The following CD300C variants were observed in gnomAD, a reference collection of about 807,000 sequenced individuals.
CD300C encodes the protein CMRF35-like molecule 6.
Under a neutral mutation model 18.4 loss-of-function variants are expected in CD300C, and 11 were observed. That is an observed-to-expected ratio of 0.60 (90% CI 0.38 to 0.99). The LOEUF (loss-of-function observed/expected upper bound fraction) is 0.99. Ranked by LOEUF, CD300C falls within the 50% of genes least tolerant of loss-of-function variation. The probability of loss-of-function intolerance (pLI) is 0.01; values close to 1 mark genes in which losing one functional copy is unlikely to be tolerated. For synonymous variants in CD300C, 116 were observed against 116.3 expected (o/e 1.00, Z 0.02); for missense variants, 277 against 287.4 (o/e 0.96, Z 0.26).
rs111380989 is a variant in CD300C, at chr17:74,544,656, C to T, written c.353G>A (p.Arg118Gln). Reference protein sequence around the residue: ...YWCGVDTPWLRDFHDPIVEVE... With the variant: ...YWCGVDTPWLQDFHDPIVEVE... ...CTCGACAATGGGATCATGAAAGTCT[C>T]GGAGCCACGGTGTATCCACCCCACA... The change falls in exon 2 of 4, where the codon CGA (arginine) becomes CAA (glutamine). Residue 118 changes from arginine to glutamine, a missense_variant. Transcript: ENST00000330793. 220 of 1,613,992 alleles carry T rather than the reference C, an allele frequency of 1.4e-4. No homozygotes were observed. The highest frequency in any genetic ancestry group is 3.8e-4 in the South Asian group (35 of 91,066).
Position 74,542,994 on chromosome 17 carries a change from G to A in CD300C, c.401-7C>T. The A allele has an allele frequency of 6.2e-7, 1 of 1,613,292 alleles. No individual in the cohort carries two copies. Among genetic ancestry groups the A allele is most frequent in the Non-Finnish European group, 8.5e-7 (1 of 1,179,990 alleles). On this transcript the variant is annotated splice_polypyrimidine_tract_variant and splice_region_variant and intron_variant, in intron 2 of 3. Transcript: ENST00000330793. ...GAGGCTGTGGTCGTCCCGGCTGTGG[G>A]TGAAACACAGGTCAACCTTGATGAC... is the stretch of plus-strand genomic sequence containing the variant.
chr17:74,543,026 T>A, intron 2 of CD300C, 39 bp from the exon 3 acceptor site: 3 of 1,611,230 alleles, frequency 1.9e-6, no homozygotes, highest in Non-Finnish European at 1.7e-6. Context: ...TGACATCACA[T>A]GGGTCTCCCA....
At chr17:74,542,300 G>A (rs568305912) in intron 3 of CD300C, among the ~76,000 whole-genome samples, 3 of 152,220 alleles carry the variant, frequency 2.0e-5, no homozygotes, top group Admixed American at 1.3e-4. Context: ...AGAGAGGCAG[G>A]GGAGAGGACC....
downstream of CD300C, among the ~76,000 whole-genome samples, chr17:74,538,392 C>T (rs370334821): frequency 6.6e-6 from 1 of 152,156 alleles, no homozygotes; most frequent in East Asian, 1.9e-4. Context: ...GAGGAGGGAC[C>T]TGTGGGGACA....
chr17:74,537,873 C>G (rs75358158), downstream of CD300C, among the ~76,000 whole-genome samples: 1,713 of 152,254 alleles, frequency 0.011, 11 homozygotes, highest in Non-Finnish European at 0.015. Context: ...AGGACCAAGG[C>G]TTGAGCCCAG....
At chr17:74,543,147 G>A (rs1342569847) in intron 2 of CD300C, among the ~76,000 whole-genome samples, 160 bp from the exon 3 acceptor site, 3 of 152,224 alleles carry the variant, frequency 2.0e-5, no homozygotes, top group Non-Finnish European at 2.9e-5. Context: ...CCTGACCAGG[G>A]TCCTGGGCCT....
chr17:74,542,518 C>G (rs1219820616), intron 3 of CD300C, among the ~76,000 whole-genome samples: 1 of 152,232 alleles, frequency 6.6e-6, no homozygotes, highest in Admixed American at 6.5e-5. Context: ...GAAATAGCAA[C>G]TCCAACACCT....
rs893840825 is a variant in CD300C, at chr17:74,541,275, G to A, written c.*314C>T. On this transcript the variant is annotated 3_prime_UTR_variant, in exon 4 of 4. Coordinates refer to ENST00000330793, the MANE Select transcript of CD300C (RefSeq NM_006678.5). The stretch of plus-strand genomic sequence containing the variant: ...TGCTTCTCCCTGTGAAAACGGTGGA[G>A]GAAGCAGTGCCAGGCTCCTGGAGAA... 3.4e-5 allele frequency: 10 copies of A among 295,378 alleles called. No individual in the cohort carries two copies. Among genetic ancestry groups the A allele is most frequent in the Non-Finnish European group, 6.6e-5 (10 of 151,542 alleles). The allele number at this position is 295,378 out of a possible 1,614,324, so 18.3% of individuals were successfully genotyped here.
chr17:74,545,653 C>T (rs747096976), intron 1 of CD300C, 69 bp downstream of exon 1: 47 of 1,251,544 alleles, frequency 3.8e-5, no homozygotes, highest in Non-Finnish European at 4.6e-5. Context: ...GCTACTCCAG[C>T]GCCTGCACCC....
the CD300C span, among the ~76,000 whole-genome samples, chr17:74,535,450 T>C: frequency 3.4e-4 from 21 of 61,900 alleles, no homozygotes; most frequent in Middle Eastern, 0.018. Flanking sequence ...GCCTGGGCAA[T>C]AAGAGCAAAA....
downstream of CD300C, among the ~76,000 whole-genome samples, chr17:74,539,625 C>T (rs748353430): frequency 1.3e-5 from 2 of 152,200 alleles, no homozygotes; most frequent in Non-Finnish European, 2.9e-5. Context: ...CCCTATCACC[C>T]GGCAAGTGGC....
At chr17:74,545,653 C>A in intron 1 of CD300C, 69 bp downstream of exon 1, 1 of 1,251,664 alleles carries the variant, frequency 8.0e-7, no homozygotes, top group Non-Finnish European at 1.1e-6. Context: ...GCTACTCCAG[C>A]GCCTGCACCC....
rs766204737 is a variant in CD300C, at chr17:74,544,898, T to TC, written c.110dup (p.Ser38IlefsTer9). 1.8e-5 allele frequency: 29 copies of TC among 1,588,604 alleles called. No homozygotes were observed. Among genetic ancestry groups the TC allele is most frequent in the African/African-American group, 2.7e-5 (2 of 74,524 alleles). ...CATAGCGACACTGCACACTCAGGGATCCCCCCACGGGGCCCGCCACGGTCA... is the reference window on the plus strand; with the variant it reads ...CATAGCGACACTGCACACTCAGGGATCCCCCCCACGGGGCCCGCCACGGTCA... On this transcript the variant is annotated frameshift_variant, in exon 2 of 4. Transcript: ENST00000330793. LOFTEE classifies it high-confidence loss of function.
At chr17:74,545,151 G>A (rs1165543669) in intron 1 of CD300C, among the ~76,000 whole-genome samples, 1 of 152,190 alleles carries the variant, frequency 6.6e-6, no homozygotes, top group Non-Finnish European at 1.5e-5. Context: ...CATGGAGACT[G>A]GAAAGGCAAG....
chr17:74,537,032 AAAAG>A (rs896190211), downstream of CD300C, among the ~76,000 whole-genome samples: 6 of 150,376 alleles, frequency 4.0e-5, no homozygotes, highest in Admixed American at 1.3e-4. Context: ...GAGGAGGAAA[AAAAG>A]AGGGAGGAAA....
rs1049243246 is a variant in CD300C, at chr17:74,544,638, A to G, written c.371T>C (p.Ile124Thr). ...GAACACGGACACCTCAACCTCGACAATGGGATCATGAAAGTCTCGGAGCCA... is the reference window on the plus strand; with the variant it reads ...GAACACGGACACCTCAACCTCGACAGTGGGATCATGAAAGTCTCGGAGCCA... Reference protein sequence around the residue: ...TPWLRDFHDPIVEVEVSVFPA... With the variant: ...TPWLRDFHDPTVEVEVSVFPA... The change falls in exon 2 of 4, where the codon ATT becomes ACT. Residue 124 changes from isoleucine to threonine, a missense_variant. By Grantham distance (89) the Ile-to-Thr change is moderately conservative. Coordinates refer to ENST00000330793, the MANE Select transcript of CD300C (RefSeq NM_006678.5). The G allele has an allele frequency of 6.2e-7, 1 of 1,613,096 alleles. No homozygotes were observed. Among genetic ancestry groups the G allele is most frequent in the Non-Finnish European group, 8.5e-7 (1 of 1,179,152 alleles).
intron 1 of CD300C, 72 bp downstream of exon 1, chr17:74,545,650 C>T: frequency 1.6e-6 from 2 of 1,229,238 alleles, no homozygotes; most frequent in African/African-American, 1.5e-5. Flanking sequence ...ACCGCTACTC[C>T]AGCGCCTGCA....
intron 2 of CD300C, among the ~76,000 whole-genome samples, chr17:74,543,470 G>A (rs1373388301): frequency 6.6e-6 from 1 of 152,224 alleles, no homozygotes; most frequent in Non-Finnish European, 1.5e-5. Context: ...GGCCCCACAA[G>A]GCCATTGGAC....
rs113837386 is a variant in CD300C, at chr17:74,545,642, C to A, written c.61+80G>T. On this transcript the variant is annotated intron_variant, in intron 1 of 3. Coordinates refer to ENST00000330793, the MANE Select transcript of CD300C (RefSeq NM_006678.5). ...TCCCTGCCCCACTCCCCTCTATGAC[C>A]GCTACTCCAGCGCCTGCACCCCTCC... is the stretch of plus-strand genomic sequence containing the variant. 4 of 1,148,576 alleles carry A rather than the reference C, an allele frequency of 3.5e-6. No homozygotes were observed. In the African/African-American group the frequency reaches 6.2e-5, roughly 18 times the overall value. 71.1% of individuals were successfully genotyped at this position (1,148,576 alleles called of 1,614,324 possible).
Sources: allele counts gnomAD v4.1 joint callset (sites outside exome capture counted in the v4.1 genomes callset), GRCh38; gene constraint gnomAD v4.1.1; transcripts MANE v1.5; gene names NCBI Gene and HGNC (gene_info 2026-07-23, HGNC 2026-07-21).